The following RANBP17 variants were observed in gnomAD, a reference collection of about 807,000 sequenced individuals.
The protein encoded by RANBP17 is RAN binding protein 17, also known as ran-binding protein 17.
RANBP17 carries 158 observed loss-of-function variants against 141.2 expected under a neutral mutation model. The observed-to-expected ratio is 1.12, with a 90% CI of 0.98 to 1.28. RANBP17 has a LOEUF of 1.28. Ranked by LOEUF, RANBP17 falls within the 50% of genes most tolerant of loss-of-function variation. The pLI is 0.00. For missense variants in RANBP17, 1,438 were observed against 1,290.7 expected (o/e 1.11, Z -1.75); for synonymous variants, 430 against 450.0 (o/e 0.96, Z 0.56).
chr5:171,203,926 GA>G (rs1204828949), intron 19 of RANBP17, among the ~76,000 whole-genome samples: 1 of 152,160 alleles, frequency 6.6e-6, no homozygotes, highest in Admixed American at 6.5e-5. Context: ...CAAGGAGTCA[GA>G]ATAGAATAGT....
At chr5:171,137,660 A>G (rs926590175) in intron 14 of RANBP17, among the ~76,000 whole-genome samples, 1 of 150,792 alleles carries the variant, frequency 6.6e-6, no homozygotes. Flanking sequence ...TTGATAAACT[A>G]TAAAATAATC....
At chr5:170,890,314 T>C (rs1223633689) in intron 3 of RANBP17, among the ~76,000 whole-genome samples, 1 of 152,186 alleles carries the variant, frequency 6.6e-6, no homozygotes, top group Admixed American at 6.6e-5. Context: ...AAAGATTACA[T>C]GCAACAAAGC....
chr5:171,065,229 T>TA (rs1214319830), intron 14 of RANBP17, among the ~76,000 whole-genome samples: 2 of 152,110 alleles, frequency 1.3e-5, no homozygotes. Context: ...CGGTATTCCC[T>TA]ACACCAACCA....
At chr5:170,921,582 G>A (rs1195995305) in intron 11 of RANBP17, among the ~76,000 whole-genome samples, 2 of 152,126 alleles carry the variant, frequency 1.3e-5, no homozygotes, top group East Asian at 3.9e-4. Flanking sequence ...CTCTTTTTTG[G>A]TTCCATATGA....
At position 171,299,189 on chromosome 5, in the gene RANBP17, A is replaced by G. The variant is rs961424240; in HGVS notation, c.*331A>G. The G allele has an allele frequency of 1.9e-5, 5 of 268,114 alleles. No homozygotes were observed. The highest frequency in any genetic ancestry group is 3.6e-5 in the Non-Finnish European group (5 of 139,412). 16.6% of individuals were successfully genotyped at this position (268,114 alleles called of 1,614,324 possible). A position where few individuals can be genotyped will look rare whatever the true frequency, so the allele number is the denominator to read the frequency against. On this transcript the variant is annotated 3_prime_UTR_variant, in exon 28 of 28. Transcript: ENST00000523189. The stretch of plus-strand genomic sequence containing the variant: ...CCAGGTTTGCACCTAAGTGTGTACT[A>G]GTTTATGGTTCTGCAGTCAAGGTTG...
chr5:170,914,212 A>G lies in RANBP17; in HGVS notation c.806A>G (p.His269Arg), dbSNP rs1389075735. Reference sequence around the variant, plus strand: ...TTGGATCTTTTCTTCAATTTGTATCATTCACTTCCACCACTACTATCTCAG... The same window carrying G: ...TTGGATCTTTTCTTCAATTTGTATCGTTCACTTCCACCACTACTATCTCAG... ...ETLDLFFNLY[H>R]SLPPLLSQLA... Residue 269 changes from histidine (H) to arginine (R), a missense_variant, in exon 8 of 28, where the codon CAT becomes CGT. His to Arg is a conservative substitution (Grantham distance 29). Coordinates refer to ENST00000523189, the MANE Select transcript of RANBP17 (RefSeq NM_022897.5). 1.2e-6 allele frequency: 2 copies of G among 1,609,598 alleles called. No individual in the cohort carries two copies. Among genetic ancestry groups the G allele is most frequent in the East Asian group, 2.2e-5 (1 of 44,782 alleles).
chr5:170,953,096 T>C (rs1775331671), intron 12 of RANBP17, among the ~76,000 whole-genome samples: 1 of 152,086 alleles, frequency 6.6e-6, no homozygotes, highest in Non-Finnish European at 1.5e-5. Flanking sequence ...AATTTATTAC[T>C]ATCTATTATG....
chr5:171,088,783 G>A (rs903555672), intron 14 of RANBP17, among the ~76,000 whole-genome samples: 31 of 152,054 alleles, frequency 2.0e-4, no homozygotes, highest in African/African-American at 7.0e-4. Flanking sequence ...CATTCTTCAC[G>A]TAGTTCTCGA....
At chr5:171,107,284 A>C (rs1288213889) in intron 14 of RANBP17, among the ~76,000 whole-genome samples, 3 of 152,170 alleles carry the variant, frequency 2.0e-5, no homozygotes, top group Non-Finnish European at 2.9e-5. Context: ...CAAAGGAATT[A>C]GTTTGTTGCT....
At chr5:170,977,429 C>A (rs1777462934) in intron 14 of RANBP17, among the ~76,000 whole-genome samples, 1 of 151,932 alleles carries the variant, frequency 6.6e-6, no homozygotes, top group Non-Finnish European at 1.5e-5. Flanking sequence ...ATTTGAAAAA[C>A]AGTCTGGCAG....
At chr5:170,866,544 G>A (rs1352805853) in intron 1 of RANBP17, among the ~76,000 whole-genome samples, 3 of 152,146 alleles carry the variant, frequency 2.0e-5, no homozygotes, top group South Asian at 4.2e-4. Flanking sequence ...GCGTGGTGGC[G>A]GGTGCCTGTA....
In RANBP17 at chr5:171,272,426, C is replaced by T. The variant is rs562274462; in HGVS notation, c.2943+6579C>T. Among the ~76,000 whole-genome samples the T allele has an allele frequency of 7.6e-4, 116 of 152,278 alleles. 1 individual carries two copies. Among genetic ancestry groups the T allele is most frequent in the Non-Finnish European group, 1.4e-3 (94 of 68,020 alleles). ...TATCTGCAAGCACTAGCTTAACTTA[C>T]TTACATATGCATTATCTGGTTTAAT... On this transcript the variant is annotated intron_variant, in intron 25 of 27. Coordinates refer to ENST00000523189, the MANE Select transcript of RANBP17 (RefSeq NM_022897.5).
chr5:171,109,387 C>A (rs534153651), intron 14 of RANBP17, among the ~76,000 whole-genome samples: 26 of 152,148 alleles, frequency 1.7e-4, no homozygotes, highest in African/African-American at 6.0e-4. Context: ...TCAAATATGC[C>A]TTAGAAGTTA....
intron 18 of RANBP17, among the ~76,000 whole-genome samples, chr5:171,184,633 G>C (rs984421284): frequency 6.6e-6 from 1 of 152,130 alleles, no homozygotes; most frequent in Admixed American, 6.6e-5. Flanking sequence ...CCACAAAAAT[G>C]GTAACTATAG....
intron 14 of RANBP17, among the ~76,000 whole-genome samples, chr5:170,980,126 G>A (rs144281059): frequency 1.4e-3 from 218 of 152,258 alleles, no homozygotes; most frequent in African/African-American, 4.7e-3. Context: ...GAGATCTGTG[G>A]AACTTTGAAC....
intron 3 of RANBP17, among the ~76,000 whole-genome samples, chr5:170,888,724 C>G (rs1769360978): frequency 6.6e-6 from 1 of 152,084 alleles, no homozygotes; most frequent in South Asian, 2.1e-4. Flanking sequence ...CTAGGACTTA[C>G]AGTATTATGT....
At chr5:171,207,232 C>T (rs1180196595) in intron 20 of RANBP17, 3 of 152,912 alleles carry the variant, frequency 2.0e-5, no homozygotes, top group Middle Eastern at 3.4e-3. Flanking sequence ...ACTGTAATAT[C>T]GATGGTGATC....
intron 24 of RANBP17, among the ~76,000 whole-genome samples, chr5:171,265,167 C>G (rs1220569973): frequency 6.6e-6 from 1 of 152,194 alleles, no homozygotes; most frequent in Non-Finnish European, 1.5e-5. Flanking sequence ...TCTGCCTAAT[C>G]TATCCAGGAA....
chr5:171,107,204 C>T (rs1190974818), intron 14 of RANBP17, among the ~76,000 whole-genome samples: 1 of 152,206 alleles, frequency 6.6e-6, no homozygotes, highest in African/African-American at 2.4e-5. Flanking sequence ...AGAACACAGC[C>T]TTTACATGGT....
Sources: gnomAD v4.1 joint callset for allele counts (sites outside exome capture counted in the v4.1 genomes callset) on GRCh38, gnomAD v4.1.1 for gene constraint, MANE v1.5 for transcripts, NCBI Gene and HGNC (gene_info 2026-07-23, HGNC 2026-07-21) for gene names.